Variants in UNC93A observed in about 807,000 individuals in gnomAD.
UNC93A encodes the protein N-acetylglucosamine transporter UNC93A.
UNC93A carries 43 observed loss-of-function variants against 47.5 expected under a neutral mutation model. The ratio of observed to expected loss-of-function variants is 0.91; its 90% CI spans 0.71 to 1.17. The LOEUF is 1.17. Among genes scored for constraint, UNC93A ranks in the 50% most tolerant of loss-of-function variants. UNC93A has a pLI of 0.00. For missense variants in UNC93A, 605 were observed against 577.6 expected, an observed-to-expected ratio of 1.05 and a Z score of -0.49; for synonymous variants, 280 against 258.0, an observed-to-expected ratio of 1.09 and a Z score of -0.82.
At chr6:167,276,626 C>G in intron 1 of UNC93A, among the ~76,000 whole-genome samples, 1 of 152,134 alleles carries the variant, frequency 6.6e-6, no homozygotes, top group East Asian at 1.9e-4. Context: ...ACTTCAGAGT[C>G]CCGGGATCCC....
chr6:167,279,325 C>A (rs1444743384), intron 1 of UNC93A, among the ~76,000 whole-genome samples: 2 of 152,180 alleles, frequency 1.3e-5, no homozygotes, highest in Non-Finnish European at 2.9e-5. Context: ...CTTCTTCACC[C>A]TGTAAAAAAA....
At chr6:167,315,036 C>T in intron 7 of UNC93A, 151 bp from the exon 8 acceptor site, 1 of 1,190,724 alleles carries the variant, frequency 8.4e-7, no homozygotes, top group Non-Finnish European at 1.2e-6. Flanking sequence ...TTCATGCTAT[C>T]ATCTGGCATG....
intron 5 of UNC93A, 120 bp from the exon 6 acceptor site, chr6:167,305,795 A>G (rs2115164530): frequency 7.1e-7 from 1 of 1,403,784 alleles, no homozygotes; most frequent in South Asian, 1.3e-5. Flanking sequence ...AGGAAGGTGT[A>G]GGCAACACTG....
upstream of UNC93A, among the ~76,000 whole-genome samples, chr6:167,269,967 TG>T (rs1260965742): frequency 6.7e-6 from 1 of 150,140 alleles, no homozygotes; most frequent in Non-Finnish European, 1.5e-5. Flanking sequence ...ATTTGTGTTT[TG>T]TCCTGGGCCC....
chr6:167,314,242 G>A (rs1472188981), intron 7 of UNC93A, among the ~76,000 whole-genome samples: 3 of 152,124 alleles, frequency 2.0e-5, no homozygotes, highest in Admixed American at 1.3e-4. Context: ...TGTGTCTTGC[G>A]CTGAACCAGG....
intron 7 of UNC93A, 62 bp from the exon 8 acceptor site, chr6:167,315,125 T>C: frequency 6.3e-7 from 1 of 1,585,724 alleles, no homozygotes; most frequent in Non-Finnish European, 8.6e-7. Context: ...CTGTGCTCTT[T>C]TCACAAACAG....
At chr6:167,306,270 G>A (rs950033272) in intron 6 of UNC93A, among the ~76,000 whole-genome samples, 2 of 152,206 alleles carry the variant, frequency 1.3e-5, no homozygotes, top group African/African-American at 2.4e-5. Context: ...CACTGTGCTC[G>A]GCATGAGGCC....
chr6:167,282,134 T>C (rs1380738021), intron 1 of UNC93A, among the ~76,000 whole-genome samples: 1 of 152,188 alleles, frequency 6.6e-6, no homozygotes, highest in East Asian at 1.9e-4. Context: ...TCGTAGACTT[T>C]CCTGGGACGG....
upstream of UNC93A, among the ~76,000 whole-genome samples, chr6:167,269,246 T>C (rs950037796): frequency 1.3e-5 from 2 of 152,234 alleles, no homozygotes; most frequent in African/African-American, 4.8e-5. Flanking sequence ...ATCATGGCTC[T>C]GTGCTGAGGG....
intron 1 of UNC93A, among the ~76,000 whole-genome samples, chr6:167,278,698 C>T (rs998620566): frequency 6.6e-6 from 1 of 152,122 alleles, no homozygotes; most frequent in African/African-American, 2.4e-5. Flanking sequence ...CAAATGCAGC[C>T]ATCTGCTTCC....
At chr6:167,301,791 G>T (rs1778247293) in intron 4 of UNC93A, among the ~76,000 whole-genome samples, 1 of 152,166 alleles carries the variant, frequency 6.6e-6, no homozygotes, top group Non-Finnish European at 1.5e-5. Context: ...TTCAGTGAGT[G>T]GAGGAAAAAT....
upstream of UNC93A, among the ~76,000 whole-genome samples, chr6:167,286,753 G>T (rs1466801181): frequency 6.6e-6 from 1 of 152,008 alleles, no homozygotes; most frequent in Non-Finnish European, 1.5e-5. Context: ...CGAGGCGGGC[G>T]GATTGCCTGA....
intron 1 of UNC93A, among the ~76,000 whole-genome samples, chr6:167,273,707 G>A (rs1202395072): frequency 6.6e-6 from 1 of 152,094 alleles, no homozygotes; most frequent in Admixed American, 6.5e-5. Context: ...ATACATTTAA[G>A]CTGTACATCA....
chr6:167,284,796 G>T (rs1417513699), intron 1 of UNC93A, among the ~76,000 whole-genome samples: 1 of 151,638 alleles, frequency 6.6e-6, no homozygotes, highest in Non-Finnish European at 1.5e-5. Flanking sequence ...GACTCTGAGG[G>T]CGGTCGCCAC....
chr6:167,286,134 T>A (rs1397378920), intron 1 of UNC93A, among the ~76,000 whole-genome samples: 3 of 148,182 alleles, frequency 2.0e-5, no homozygotes, highest in Non-Finnish European at 4.5e-5. Context: ...ACAAAATGTG[T>A]ATATGCATTT....
In UNC93A at chr6:167,285,968, A is replaced by C. The variant is rs944686786; in HGVS notation, c.-51-5471A>C. ...TCTCTCTCTCTCTCTCTCTATATAT[A>C]TATATATATATACACACACACACAC... On this transcript the variant is annotated intron_variant, in intron 1 of 3. Coordinates refer to the UNC93A transcript ENST00000503433. 3.4e-3 allele frequency among the ~76,000 whole-genome samples: 458 copies of C among 135,534 alleles called. 6 individuals carry two copies. The highest frequency in any genetic ancestry group is 0.011 in the African/African-American group (394 of 34,404). The allele number at this position is 135,534 out of a possible 152,430, so 88.9% of individuals were successfully genotyped here.
intron 1 of UNC93A, among the ~76,000 whole-genome samples, chr6:167,285,435 A>G (rs1000698504): frequency 1.3e-4 from 19 of 151,896 alleles, no homozygotes; most frequent in African/African-American, 4.6e-4. Context: ...GCCAGCCAGG[A>G]GGGGAAGTGA....
At chr6:167,280,140 A>C (rs913354986) in intron 1 of UNC93A, among the ~76,000 whole-genome samples, 23 of 152,166 alleles carry the variant, frequency 1.5e-4, no homozygotes, top group African/African-American at 5.3e-4. Context: ...CTCATGTTTC[A>C]AGGTACAGAT....
chr6:167,284,482 G>A (rs1783687481), intron 1 of UNC93A, among the ~76,000 whole-genome samples: 1 of 152,274 alleles, frequency 6.6e-6, no homozygotes, highest in Non-Finnish European at 1.5e-5. Flanking sequence ...AGGGATGGGG[G>A]ACAGAGGAGA....
Sources: gnomAD v4.1 joint callset for allele counts (sites outside exome capture counted in the v4.1 genomes callset) on GRCh38, gnomAD v4.1.1 for gene constraint, MANE v1.5 for transcripts, NCBI Gene and HGNC (gene_info 2026-07-23, HGNC 2026-07-21) for gene names.